The following CLEC6A variants were observed in gnomAD, a reference collection of about 807,000 sequenced individuals.
CLEC6A encodes the protein C-type lectin domain family 6 member A.
A neutral mutation model predicts 25.7 loss-of-function variants in CLEC6A; 22 were observed. The observed-to-expected ratio is 0.85, with a 90% CI of 0.61 to 1.22. The LOEUF is 1.22. Among genes scored for constraint, CLEC6A ranks in the 50% most tolerant of loss-of-function variants. The pLI is 0.00. For synonymous variants in CLEC6A, 92 were observed against 76.7 expected (o/e 1.20, Z -1.04); for missense variants, 240 against 236.8 (o/e 1.01, Z -0.09).
In CLEC6A at chr12:8,478,316, A is replaced by G. The variant is rs1360859247; in HGVS notation, c.*852A>G. 1 of 152,006 alleles carries G rather than the reference A, an allele frequency of 6.6e-6. No homozygotes were observed. The highest frequency in any genetic ancestry group is 1.5e-5 in the Non-Finnish European group (1 of 67,880). The allele number at this position is 152,006 out of a possible 1,614,324, so 9.4% of individuals were successfully genotyped here. A position where few individuals can be genotyped will look rare whatever the true frequency, so the allele number is the denominator to read the frequency against. On this transcript the variant is annotated 3_prime_UTR_variant, in exon 6 of 6. Transcript: ENST00000382073. ...ATTTTTATGTTATATAAAAACCTCA[A>G]CAAATTTTCCAAACAACTACCAAAA...
At chr12:8,461,659 A>C (rs771935916) in intron 3 of CLEC6A, among the ~76,000 whole-genome samples, 3 of 152,342 alleles carry the variant, frequency 2.0e-5, no homozygotes, top group Non-Finnish European at 4.4e-5. Context: ...ACATCCTTTC[A>C]AATGATCATT....
At chr12:8,469,093 A>G (rs1473370071) in intron 4 of CLEC6A, among the ~76,000 whole-genome samples, 1 of 152,226 alleles carries the variant, frequency 6.6e-6, no homozygotes, top group East Asian at 1.9e-4. Flanking sequence ...GCAAAGTTTC[A>G]GGATACAAAA....
At chr12:8,477,055 G>T (rs753499229) in intron 5 of CLEC6A, among the ~76,000 whole-genome samples, 1 of 152,066 alleles carries the variant, frequency 6.6e-6, no homozygotes, top group Non-Finnish European at 1.5e-5. Context: ...CAGCATAAAG[G>T]CTCTGTAAAG....
chr12:8,476,858 G>C (rs1252196116), intron 5 of CLEC6A, among the ~76,000 whole-genome samples: 2 of 151,964 alleles, frequency 1.3e-5, no homozygotes, highest in African/African-American at 2.4e-5. Flanking sequence ...CAACCTCCCA[G>C]TCTTTACCCA....
At chr12:8,472,572 A>T (rs749856774) in intron 4 of CLEC6A, among the ~76,000 whole-genome samples, 2 of 152,130 alleles carry the variant, frequency 1.3e-5, no homozygotes, top group Admixed American at 6.6e-5. Context: ...ACCTGCTTCA[A>T]TGCCAGTTTT....
intron 2 of CLEC6A, among the ~76,000 whole-genome samples, 165 bp from the exon 3 acceptor site, chr12:8,459,432 A>G (rs896990920): frequency 1.3e-5 from 2 of 152,156 alleles, no homozygotes; most frequent in South Asian, 4.1e-4. Context: ...ATAAAAAAAT[A>G]AGATAAGTGA....
At chr12:8,476,368 T>A in intron 5 of CLEC6A, 128 bp downstream of exon 5, 1 of 622,606 alleles carries the variant, frequency 1.6e-6, no homozygotes, top group Non-Finnish European at 2.8e-6. Context: ...ACTAAGGATA[T>A]GCATTATCTC....
Position 8,459,671 on chromosome 12 carries a change from T to G in CLEC6A, c.196T>G (p.Cys66Gly). 1 of 1,612,874 alleles carries G rather than the reference T, an allele frequency of 6.2e-7. No individual in the cohort carries two copies. The highest frequency in any genetic ancestry group is 2.2e-5 in the East Asian group (1 of 44,874). The change falls in exon 3 of 6, where the codon TGC becomes GGC. Residue 66 changes from cysteine (C) to glycine (G), a missense_variant. By Grantham distance (159) the Cys-to-Gly change is radical. Transcript: ENST00000382073. ...ACACTCATATCATTCAAGTCTCACC[T>G]GCTTCAGTGAAGGGACAAAGGTGCC... The part of the protein sequence containing the change: ...ELHSYHSSLT[C>G]FSEGTKVPAW...
intron 4 of CLEC6A, among the ~76,000 whole-genome samples, chr12:8,470,290 G>A (rs1245544285): frequency 6.6e-6 from 1 of 152,088 alleles, no homozygotes; most frequent in Non-Finnish European, 1.5e-5. Flanking sequence ...TATAATAGAT[G>A]TTGGTGTAGA....
At chr12:8,462,667 A>C (rs1473505570) in intron 3 of CLEC6A, among the ~76,000 whole-genome samples, 1 of 151,018 alleles carries the variant, frequency 6.6e-6, no homozygotes, top group Non-Finnish European at 1.5e-5. Flanking sequence ...CCTTCTCTCC[A>C]CTATTATCTT....
chr12:8,465,554 G>A lies in CLEC6A; in HGVS notation c.294G>A (p.Lys98=), dbSNP rs778349455. The change falls in exon 4 of 6, where the codon AAG becomes AAA. Residue 98 remains lysine, a synonymous_variant. Transcript: ENST00000382073. ...SSCYFISSEE[K]VWSKSEQNCV... ...GCTACTTCATTTCCAGTGAAGAGAA[G>A]GTTTGGTCTAAGAGTGAGCAGAACT... The A allele has an allele frequency of 1.8e-5, 29 of 1,614,002 alleles. No individual in the cohort carries two copies. Among genetic ancestry groups the A allele is most frequent in the African/African-American group, 2.7e-5 (2 of 75,000 alleles).
chr12:8,473,587 T>C (rs1294256190), intron 4 of CLEC6A, among the ~76,000 whole-genome samples: 6 of 152,202 alleles, frequency 3.9e-5, no homozygotes, highest in African/African-American at 1.4e-4. Context: ...GCTGGATATA[T>C]ACCTAGTAAT....
Position 8,476,152 on chromosome 12 carries a change from T to A in CLEC6A, c.397T>A (p.Ser133Thr). The change falls in exon 5 of 6, where the codon TCA becomes ACA. Residue 133 changes from serine to threonine, a missense_variant. Coordinates refer to ENST00000382073, the MANE Select transcript of CLEC6A (RefSeq NM_001007033.2). ...TTTCATTGTCCAGCAGCTGAATGAG[T>A]CATTTTCTTATTTTCTGGGGCTTTC... ...QNFIVQQLNE[S>T]FSYFLGLSDP... The A allele has an allele frequency of 1.2e-6, 2 of 1,610,196 alleles. No individual in the cohort carries two copies. Among genetic ancestry groups the A allele is most frequent in the Non-Finnish European group, 1.7e-6 (2 of 1,178,594 alleles).
intron 4 of CLEC6A, among the ~76,000 whole-genome samples, chr12:8,473,771 T>C (rs1053073704): frequency 8.5e-5 from 13 of 152,204 alleles, no homozygotes; most frequent in Non-Finnish European, 1.9e-4. Flanking sequence ...ATAGCCATAC[T>C]GACTGCTGTG....
chr12:8,475,388 ATATATGAAAAGATT>A (rs1463502430), intron 4 of CLEC6A, among the ~76,000 whole-genome samples: 1 of 151,944 alleles, frequency 6.6e-6, no homozygotes, highest in Non-Finnish European at 1.5e-5. Context: ...ACTCATATGT[ATATATGAAAAGATT>A]TATATGAAAA....
intron 3 of CLEC6A, chr12:8,460,762 G>T (rs1939742814): frequency 2.8e-6 from 4 of 1,423,140 alleles, no homozygotes; most frequent in Non-Finnish European, 3.0e-6. Context: ...TGATAAAGCG[G>T]GCCGACTGGG....
intron 3 of CLEC6A, among the ~76,000 whole-genome samples, chr12:8,463,150 CATCTGTCAAA>C (rs1939786311): frequency 2.0e-5 from 3 of 152,056 alleles, no homozygotes; most frequent in Non-Finnish European, 4.4e-5. Flanking sequence ...ATACTTTTCT[CATCTGTCAAA>C]ATATGTAGAT....
chr12:8,477,410 T>C lies in CLEC6A; in HGVS notation c.576T>C (p.Val192=). The part of the protein sequence containing the change: ...WKPTGWGWND[V]ICETRRNSIC... ...CTACAGGATGGGGCTGGAATGATGT[T>C]ATCTGTGAAACTAGAAGGAATTCAA... The change falls in exon 6 of 6, where the codon GTT becomes GTC. Residue 192 remains valine, a synonymous_variant. Transcript: ENST00000382073. 2 of 1,611,774 alleles carry C rather than the reference T, an allele frequency of 1.2e-6. No homozygotes were observed. Among genetic ancestry groups the C allele is most frequent in the South Asian group, 2.2e-5 (2 of 90,854 alleles).
chr12:8,467,766 G>A (rs780770396), intron 4 of CLEC6A, among the ~76,000 whole-genome samples: 5 of 152,196 alleles, frequency 3.3e-5, no homozygotes, highest in African/African-American at 1.2e-4. Context: ...TCTTTAGATT[G>A]CATTTTAACT....
Sources: allele counts gnomAD v4.1 joint callset (sites outside exome capture counted in the v4.1 genomes callset), GRCh38; gene constraint gnomAD v4.1.1; transcripts MANE v1.5; gene names NCBI Gene and HGNC (gene_info 2026-07-23, HGNC 2026-07-21).